PTPRN2: variants seen among roughly 807,000 people sequenced by gnomAD.
The protein encoded by PTPRN2 is protein tyrosine phosphatase receptor type N2.
In PTPRN2, 74 loss-of-function variants were observed where a neutral mutation model predicts 118.8. The observed-to-expected ratio is 0.62, with a 90% CI of 0.52 to 0.76. The LOEUF is 0.76. Among genes scored for constraint, PTPRN2 ranks in the 30% least tolerant of loss-of-function variants. The pLI, the probability that PTPRN2 is intolerant of heterozygous loss-of-function variation, is 0.00. For missense variants in PTPRN2, 1,481 were observed against 1,394.4 expected (o/e 1.06, Z -0.99); for synonymous variants, 641 against 608.0 (o/e 1.05, Z -0.80).
chr7:157,741,841 C>A (rs1800650324), intron 12 of PTPRN2, among the ~76,000 whole-genome samples: 1 of 152,220 alleles, frequency 6.6e-6, no homozygotes, highest in Non-Finnish European at 1.5e-5. Flanking sequence ...ACTCCTAGCT[C>A]AGTTACTTCT....
intron 3 of PTPRN2, among the ~76,000 whole-genome samples, chr7:158,268,890 GCA>G (rs138813078): frequency 0.011 from 1,508 of 134,750 alleles, 45 homozygotes; most frequent in East Asian, 0.03. Flanking sequence ...CCAGCCGCAC[GCA>G]CACAGAGTGG....
chr7:157,982,370 G>C (rs1344160629), intron 11 of PTPRN2, among the ~76,000 whole-genome samples: 1 of 131,692 alleles, frequency 7.6e-6, no homozygotes. Context: ...CTGAGTCACA[G>C]AGACGAGGAG....
rs1258162529 is a variant in PTPRN2 at position 157,878,920 on chromosome 7, G to A, written c.1788+19753C>T. Among the ~76,000 whole-genome samples the A allele has an allele frequency of 4.5e-5, 6 of 132,266 alleles. No individual in the cohort carries two copies. In the East Asian group the frequency reaches 7.2e-4, roughly 16 times the overall value. 86.8% of individuals were successfully genotyped at this position (132,266 alleles called of 152,430 possible). ...CATGCACCCACACTTACTCACCGAG[G>A]AGCTCTCGGATTCCGTGGGGCTTGA... On this transcript the variant is annotated intron_variant, in intron 12 of 22. Coordinates refer to ENST00000389418, the MANE Select transcript of PTPRN2 (RefSeq NM_002847.5).
chr7:157,582,142 G>GCATCCGCTGCAA (rs1375842727), intron 17 of PTPRN2, among the ~76,000 whole-genome samples: 1 of 152,206 alleles, frequency 6.6e-6, no homozygotes, highest in East Asian at 1.9e-4. Context: ...AGCAAGAGAT[G>GCATCCGCTGCAA]CATCCGCTGC....
At chr7:158,101,210 A>T (rs545013101) in intron 10 of PTPRN2, among the ~76,000 whole-genome samples, 1 of 152,374 alleles carries the variant, frequency 6.6e-6, no homozygotes, top group East Asian at 1.9e-4. Context: ...GAACCCAGAA[A>T]TAAACTCAAC....
At chr7:158,321,892 A>T (rs921272843) in intron 2 of PTPRN2, among the ~76,000 whole-genome samples, 35 of 152,188 alleles carry the variant, frequency 2.3e-4, no homozygotes, top group African/African-American at 6.8e-4. Context: ...TGCCAAACTT[A>T]CTGTGCGTGC....
At chr7:158,171,244 TATATACACAC>T (rs1563555201) in intron 5 of PTPRN2, among the ~76,000 whole-genome samples, 10 of 135,728 alleles carry the variant, frequency 7.4e-5, no homozygotes, top group African/African-American at 3.0e-4. Flanking sequence ...TATATACACA[TATATACACAC>T]ATATATATAC....
At chr7:157,811,932 G>T (rs1465619801) in intron 12 of PTPRN2, among the ~76,000 whole-genome samples, 1 of 152,198 alleles carries the variant, frequency 6.6e-6, no homozygotes, top group Non-Finnish European at 1.5e-5. Context: ...TCTCCGACAG[G>T]TGATAGGGCG....
intron 2 of PTPRN2, among the ~76,000 whole-genome samples, chr7:158,464,519 A>G (rs111342339): frequency 1.7e-4 from 23 of 136,474 alleles, no homozygotes; most frequent in African/African-American, 4.7e-4. Flanking sequence ...CATCATCACC[A>G]TCATCATCCT....
intron 11 of PTPRN2, among the ~76,000 whole-genome samples, chr7:157,945,001 C>T (rs1013310814): frequency 6.6e-6 from 1 of 152,220 alleles, no homozygotes; most frequent in African/African-American, 2.4e-5. Context: ...CATGATCGCT[C>T]ATCTGCTCCA....
chr7:158,110,785 C>T lies in PTPRN2; in HGVS notation c.1643+44G>A, dbSNP rs771245547. The stretch of plus-strand genomic sequence containing the variant: ...TTCCCTCCCACCCAGTCTCTGCGAC[C>T]AAGCAACAGGAGCCAAACAGAAACC... On this transcript the variant is annotated intron_variant, in intron 10 of 22. Transcript: ENST00000389418. The T allele has an allele frequency of 1.2e-5, 19 of 1,522,144 alleles. No individual in the cohort carries two copies. In the Admixed American group the frequency reaches 1.7e-4, roughly 14 times the overall value. 94.3% of individuals were successfully genotyped at this position (1,522,144 alleles called of 1,614,324 possible). A position where few individuals can be genotyped will look rare whatever the true frequency, so the allele number is the denominator to read the frequency against.
chr7:157,937,489 G>T (rs1300368884), intron 11 of PTPRN2, among the ~76,000 whole-genome samples: 5 of 152,244 alleles, frequency 3.3e-5, no homozygotes, highest in Admixed American at 3.3e-4. Flanking sequence ...CAGGCACAGA[G>T]AAGACACTCA....
chr7:158,195,040 T>C (rs567759496), intron 4 of PTPRN2, among the ~76,000 whole-genome samples: 1 of 152,360 alleles, frequency 6.6e-6, no homozygotes, highest in Admixed American at 6.5e-5. Context: ...GTGGATGCAG[T>C]TGCCTTCGCG....
intron 11 of PTPRN2, among the ~76,000 whole-genome samples, chr7:158,016,986 G>A (rs1396027905): frequency 6.6e-6 from 1 of 152,150 alleles, no homozygotes; most frequent in Non-Finnish European, 1.5e-5. Context: ...TGCAGGAAAG[G>A]AAAACATTGC....
intron 10 of PTPRN2, among the ~76,000 whole-genome samples, chr7:158,087,626 T>TCTTCACACAAACCTTCCTCCCCTGAC (rs1299828177): frequency 1.8e-3 from 61 of 34,716 alleles, no homozygotes; most frequent in East Asian, 0.017. Flanking sequence ...CCTCCCCTGA[T>TCTTCACACAAACCTTCCTCCCCTGAC]GAAGGAGGGA....
chr7:157,605,872 T>C (rs1801973342), intron 15 of PTPRN2, among the ~76,000 whole-genome samples: 1 of 152,248 alleles, frequency 6.6e-6, no homozygotes, highest in African/African-American at 2.4e-5. Context: ...GTTCCCACTC[T>C]GATCCACAGG....
intron 12 of PTPRN2, among the ~76,000 whole-genome samples, chr7:157,714,488 T>C (rs13247650): frequency 0.32 from 47,981 of 152,106 alleles, 7,702 homozygotes; most frequent in African/African-American, 0.37. Context: ...GGAATAACAA[T>C]GGAGGCTTAA....
chr7:157,856,130 G>T (rs913780476), intron 12 of PTPRN2: 1 of 152,202 alleles, frequency 6.6e-6, no homozygotes, highest in Admixed American at 6.5e-5. Context: ...TTTTTAACAC[G>T]GTGGGATGTC....
intron 14 of PTPRN2, among the ~76,000 whole-genome samples, chr7:157,624,951 T>C (rs547562308): frequency 1.3e-5 from 2 of 152,122 alleles, no homozygotes; most frequent in Non-Finnish European, 2.9e-5. Context: ...AAAGAAGATA[T>C]ACAAATGACC....
Sources: allele counts gnomAD v4.1 joint callset (sites outside exome capture counted in the v4.1 genomes callset), GRCh38; gene constraint gnomAD v4.1.1; transcripts MANE v1.5; gene names NCBI Gene and HGNC (gene_info 2026-07-23, HGNC 2026-07-21).